CC2D2A: variants seen among roughly 807,000 people sequenced by gnomAD.
The protein encoded by CC2D2A is coiled-coil and C2 domain containing 2A.
In CC2D2A, 155 loss-of-function variants were observed where a neutral mutation model predicts 212.9. The observed-to-expected ratio is 0.73, with a 90% CI of 0.64 to 0.83. The LOEUF (loss-of-function observed/expected upper bound fraction) is 0.83. Ranked by LOEUF, CC2D2A falls within the 40% of genes least tolerant of loss-of-function variation. The pLI is 0.00. For missense variants in CC2D2A, 1,856 were observed against 1,956.2 expected (o/e 0.95, Z 0.97); for synonymous variants, 667 against 686.5 (o/e 0.97, Z 0.44).
At chr4:15,512,298 G>A (rs969505297) in intron 8 of CC2D2A, among the ~76,000 whole-genome samples, 6 of 152,082 alleles carry the variant, frequency 3.9e-5, no homozygotes, top group African/African-American at 1.4e-4. Context: ...AAAGCCAAAA[G>A]GTAGAAGCAA....
intron 35 of CC2D2A, 32 bp from the exon 36 acceptor site, chr4:15,599,497 A>T: frequency 7.0e-7 from 1 of 1,430,126 alleles, no homozygotes; most frequent in Non-Finnish European, 9.4e-7. Flanking sequence ...AAAGTGAGTC[A>T]CCAAAAAATG....
In CC2D2A at chr4:15,528,661, A is replaced by C. The variant is rs886059136; in HGVS notation, c.1401A>C (p.Pro467=). The C allele has an allele frequency of 1.9e-6, 3 of 1,613,934 alleles. No individual in the cohort carries two copies. The highest frequency in any genetic ancestry group is 2.5e-6 in the Non-Finnish European group (3 of 1,179,846). The change falls in exon 13 of 37, where the codon CCA becomes CCC. Residue 467 remains proline, a synonymous_variant. Coordinates refer to ENST00000424120, the MANE Select transcript of CC2D2A (RefSeq NM_001378615.1). ...LRNAVQTGLD[P]EKPHQSLDTI... is the part of the protein sequence containing the mutation. ...ATGCTGTTCAGACTGGCCTTGATCC[A>C]GAAAAACCTCATCAGTCTCTCGATA... is the stretch of plus-strand genomic sequence containing the variant.
intron 11 of CC2D2A, among the ~76,000 whole-genome samples, chr4:15,518,180 G>T (rs1289093758): frequency 6.6e-6 from 1 of 152,114 alleles, no homozygotes; most frequent in African/African-American, 2.4e-5. Context: ...ACTCATTTCA[G>T]CATCAACTCA....
intron 26 of CC2D2A, among the ~76,000 whole-genome samples, chr4:15,568,712 C>T (rs548905399): frequency 3.0e-4 from 45 of 152,324 alleles, no homozygotes; most frequent in African/African-American, 1.0e-3. Flanking sequence ...ACACCTATTA[C>T]CCCAGACACC....
chr4:15,594,748 T>A (rs1353921678), intron 33 of CC2D2A, among the ~76,000 whole-genome samples: 1 of 152,206 alleles, frequency 6.6e-6, no homozygotes. Flanking sequence ...GGGCTAATGA[T>A]ACAATTTACC....
At chr4:15,565,397 C>T (rs1054217024) in intron 24 of CC2D2A, among the ~76,000 whole-genome samples, 14 of 117,938 alleles carry the variant, frequency 1.2e-4, no homozygotes, top group South Asian at 9.1e-4. Flanking sequence ...CATCCACATA[C>T]GGTTTTTTTT....
chr4:15,507,186 C>T (rs1434033152), intron 6 of CC2D2A, among the ~76,000 whole-genome samples: 1 of 152,088 alleles, frequency 6.6e-6, no homozygotes, highest in Non-Finnish European at 1.5e-5. Context: ...CTTCATTTAG[C>T]ATTGCATTGT....
At chr4:15,543,517 T>A (rs1718563571) in intron 17 of CC2D2A, 1 of 152,202 alleles carries the variant, frequency 6.6e-6, no homozygotes, top group Non-Finnish European at 1.5e-5. Context: ...AATGCTTACT[T>A]CTTCCTTGAT....
chr4:15,568,477 T>A (rs1365123154), intron 26 of CC2D2A, among the ~76,000 whole-genome samples: 1 of 152,186 alleles, frequency 6.6e-6, no homozygotes, highest in Non-Finnish European at 1.5e-5. Flanking sequence ...TAATCCCAGC[T>A]ACTTGGAGGC....
At chr4:15,498,619 G>T (rs1715747743) in intron 4 of CC2D2A, among the ~76,000 whole-genome samples, 1 of 152,150 alleles carries the variant, frequency 6.6e-6, no homozygotes, top group African/African-American at 2.4e-5. Context: ...TGTTTAATGA[G>T]GGTTGTCTTA....
chr4:15,557,764 A>T (rs1160109566), intron 21 of CC2D2A, among the ~76,000 whole-genome samples: 2 of 152,228 alleles, frequency 1.3e-5, no homozygotes, highest in Non-Finnish European at 2.9e-5. Context: ...TACAATTAGA[A>T]TTGTAGGGTT....
chr4:15,528,926 C>T (rs1717665720), intron 13 of CC2D2A, among the ~76,000 whole-genome samples, 200 bp downstream of exon 13: 1 of 152,200 alleles, frequency 6.6e-6, no homozygotes, highest in African/African-American at 2.4e-5. Flanking sequence ...AATGGTCACT[C>T]TGCAGGTGTA....
At position 15,536,563 on chromosome 4, in the gene CC2D2A, T is replaced by C. The variant is rs1418649558; in HGVS notation, c.1608-357T>C. On this transcript the variant is annotated intron_variant, in intron 14 of 36. Transcript: ENST00000424120. ...CTTGAAGAAGTCATAAAATAACTAATGAAATTTCCACCACTATCAGCTGAG... is the reference window on the plus strand; with the variant it reads ...CTTGAAGAAGTCATAAAATAACTAACGAAATTTCCACCACTATCAGCTGAG... Among the ~76,000 whole-genome samples the C allele has an allele frequency of 2.6e-5, 4 of 152,254 alleles. No individual in the cohort carries two copies. In the South Asian group the frequency reaches 6.2e-4, roughly 24 times the overall value.
chr4:15,514,232 G>T (rs564718610), intron 8 of CC2D2A, among the ~76,000 whole-genome samples: 1 of 152,336 alleles, frequency 6.6e-6, no homozygotes, highest in Non-Finnish European at 1.5e-5. Context: ...GCTGTTTCAA[G>T]TTCCTCAGGC....
intron 25 of CC2D2A, 25 bp from the exon 26 acceptor site, chr4:15,567,652 C>T: frequency 1.3e-6 from 2 of 1,531,010 alleles, no homozygotes; most frequent in Non-Finnish European, 1.8e-6. Context: ...CCATTGGGAA[C>T]TCAGAATTTG....
Position 15,510,231 on chromosome 4 carries a change from T to C in CC2D2A, c.531T>C (p.Pro177=). ...KFHDSARKIK[P]KPQVPPGFPS... ...ATGATTCTGCACGAAAAATCAAGCC[T>C]AAACCCCAGGTGAGAAATCTTGTTT... The change falls in exon 7 of 37, where the codon CCT becomes CCC. Residue 177 remains proline (P), a synonymous_variant. Transcript: ENST00000424120. 1 of 1,608,504 alleles carries C rather than the reference T, an allele frequency of 6.2e-7. No homozygotes were observed. The highest frequency in any genetic ancestry group is 1.1e-5 in the South Asian group (1 of 89,488).
rs386833764 is a variant in CC2D2A, at chr4:15,511,381, GGAA to G, written c.685_687del (p.Glu229del). On this transcript the variant is annotated inframe_deletion, in exon 8 of 37. Transcript: ENST00000424120. ...GAACTAATCAAGAGGAGGAGGAAGGGGAAGAAGAAGAACCACCTGCACAAGGAG... is the reference window on the plus strand; with the variant it reads ...GAACTAATCAAGAGGAGGAGGAAGGGGAAGAAGAACCACCTGCACAAGGAG... 113,969 of 1,553,760 alleles carry G rather than the reference GGAA, an allele frequency of 0.073. 4,624 individuals are homozygous for G. The highest frequency in any genetic ancestry group is 0.091 in the South Asian group (7,220 of 79,722).
chr4:15,590,032 T>G (rs1236142745), intron 33 of CC2D2A, among the ~76,000 whole-genome samples: 1 of 152,170 alleles, frequency 6.6e-6, no homozygotes, highest in Non-Finnish European at 1.5e-5. Flanking sequence ...TTCGTAGTGT[T>G]TTAAGAACTG....
intron 29 of CC2D2A, chr4:15,576,555 A>G (rs1447407450): frequency 6.2e-6 from 1 of 162,232 alleles, no homozygotes; most frequent in Non-Finnish European, 1.3e-5. Context: ...TCTGTTACTA[A>G]AGCCTGCCTC....
Sources: gnomAD v4.1 joint callset for allele counts (sites outside exome capture counted in the v4.1 genomes callset) on GRCh38, gnomAD v4.1.1 for gene constraint, MANE v1.5 for transcripts, NCBI Gene and HGNC (gene_info 2026-07-23, HGNC 2026-07-21) for gene names.